MACROD2: variants seen among roughly 807,000 people sequenced by gnomAD.
MACROD2 encodes mono-ADP ribosylhydrolase 2.
MACROD2 carries 36 observed loss-of-function variants against 70.4 expected under a neutral mutation model. That is an observed-to-expected ratio of 0.51 (90% CI 0.39 to 0.68). The LOEUF (loss-of-function observed/expected upper bound fraction) is 0.68. Ranked by LOEUF, MACROD2 falls within the 30% of genes least tolerant of loss-of-function variation. The pLI, the probability that MACROD2 is intolerant of heterozygous loss-of-function variation, is 0.00. For missense variants in MACROD2, 496 were observed against 538.4 expected (o/e 0.92, Z 0.78); for synonymous variants, 172 against 178.8 (o/e 0.96, Z 0.30).
intron 6 of MACROD2, among the ~76,000 whole-genome samples, chr20:15,320,680 C>T (rs1300840254): frequency 6.6e-6 from 1 of 152,136 alleles, no homozygotes; most frequent in Admixed American, 6.5e-5. Flanking sequence ...TCTAATGCAG[C>T]AGTCCATTGT....
At chr20:14,536,841 A>G (rs928092921) in intron 4 of MACROD2, among the ~76,000 whole-genome samples, 2 of 152,250 alleles carry the variant, frequency 1.3e-5, no homozygotes, top group Non-Finnish European at 2.9e-5. Context: ...ATTAAGATGT[A>G]CATCTGACTA....
At chr20:15,159,951 T>G (rs2076336267) in intron 5 of MACROD2, among the ~76,000 whole-genome samples, 1 of 151,722 alleles carries the variant, frequency 6.6e-6, no homozygotes, top group South Asian at 2.1e-4. Context: ...TTCAGGAAAA[T>G]AAAATAAATG....
intron 6 of MACROD2, among the ~76,000 whole-genome samples, chr20:15,390,020 C>T (rs1442599698): frequency 6.6e-6 from 1 of 152,106 alleles, no homozygotes; most frequent in Admixed American, 6.5e-5. Flanking sequence ...TAATGATTCT[C>T]ATGGTAAAGG....
chr20:14,823,002 C>T (rs536124740), intron 5 of MACROD2, among the ~76,000 whole-genome samples: 1 of 152,136 alleles, frequency 6.6e-6, no homozygotes, highest in South Asian at 2.1e-4. Context: ...TCAAAGTATA[C>T]TTAAATGGCA....
intron 4 of MACROD2, among the ~76,000 whole-genome samples, chr20:14,523,118 C>T (rs746231680): frequency 7.9e-5 from 12 of 152,022 alleles, no homozygotes; most frequent in Non-Finnish European, 7.4e-5. Context: ...GATGATCTTC[C>T]ATTAAAAAAA....
intron 6 of MACROD2, among the ~76,000 whole-genome samples, chr20:15,322,805 T>A (rs2077886491): frequency 6.9e-6 from 1 of 144,288 alleles, no homozygotes; most frequent in Non-Finnish European, 1.6e-5. Context: ...ATTCTCTTTT[T>A]ATAATAGAAG....
In MACROD2 at chr20:14,456,634, T is replaced by C. The variant is rs192897014; in HGVS notation, c.272-36845T>C. Among the ~76,000 whole-genome samples, 734 of 151,412 alleles carry C rather than the reference T, an allele frequency of 4.8e-3. 6 individuals carry two copies. The highest frequency in any genetic ancestry group is 8.2e-3 in the Non-Finnish European group (558 of 67,986). ...ATTTTAAAATGTTAGCTGTTTTGAA[T>C]GGAAATCTTTCTAAAATATACTATG... On this transcript the variant is annotated intron_variant, in intron 3 of 17. Transcript: ENST00000684519.
chr20:14,556,875 A>G (rs1348822032), intron 4 of MACROD2, among the ~76,000 whole-genome samples: 1 of 152,020 alleles, frequency 6.6e-6, no homozygotes, highest in African/African-American at 2.4e-5. Flanking sequence ...TTATTACTTT[A>G]AATTTAAATG....
At chr20:14,910,751 C>A (rs1415287115) in intron 5 of MACROD2, among the ~76,000 whole-genome samples, 1 of 152,134 alleles carries the variant, frequency 6.6e-6, no homozygotes, top group Non-Finnish European at 1.5e-5. Context: ...TCCCGCTAGC[C>A]TTTCCTTTCT....
chr20:14,216,969 T>G (rs1258328100), intron 3 of MACROD2, among the ~76,000 whole-genome samples: 3 of 152,308 alleles, frequency 2.0e-5, no homozygotes, highest in African/African-American at 7.2e-5. Flanking sequence ...ACAGTTTTAT[T>G]TCCTATTTAC....
chr20:15,098,651 A>T (rs890772508), intron 5 of MACROD2, among the ~76,000 whole-genome samples: 1 of 152,206 alleles, frequency 6.6e-6, no homozygotes, highest in Non-Finnish European at 1.5e-5. Context: ...CTATCCTAAG[A>T]TTATACTTTA....
chr20:14,441,005 C>T (rs1229486053), intron 3 of MACROD2, among the ~76,000 whole-genome samples: 1 of 152,204 alleles, frequency 6.6e-6, no homozygotes, highest in Non-Finnish European at 1.5e-5. Context: ...ACCTGAGCAA[C>T]ACACTTATGT....
chr20:14,202,435 TTTAG>T (rs1298031878), intron 3 of MACROD2, among the ~76,000 whole-genome samples: 3 of 152,332 alleles, frequency 2.0e-5, no homozygotes, highest in East Asian at 3.9e-4. Context: ...TTCCTTCTAC[TTTAG>T]TTATTTTTAC....
intron 5 of MACROD2, among the ~76,000 whole-genome samples, chr20:15,209,056 A>G (rs2076736959): frequency 6.6e-6 from 1 of 151,106 alleles, no homozygotes; most frequent in African/African-American, 2.4e-5. Flanking sequence ...GATAGTTTTT[A>G]TCTTTCTGTT....
In MACROD2 at chr20:16,004,236, C is replaced by T. The variant is rs143403516; in HGVS notation, c.1153+17078C>T. 4.4e-4 allele frequency among the ~76,000 whole-genome samples: 67 copies of T among 152,214 alleles called. No individual in the cohort carries two copies. The Middle Eastern group carries it at 0.017, about 39-fold the overall frequency. ...TCAGCCACTTATAAGCCTCTCTTCC[C>T]GCATATGCCCTCTTTGTGGTCATTG... On this transcript the variant is annotated intron_variant, in intron 15 of 17. Coordinates refer to ENST00000684519, the MANE Select transcript of MACROD2 (RefSeq NM_001351661.2).
intron 5 of MACROD2, among the ~76,000 whole-genome samples, chr20:14,742,483 TGAGA>T (rs901969923): frequency 2.6e-5 from 4 of 152,094 alleles, no homozygotes; most frequent in African/African-American, 9.7e-5. Flanking sequence ...TTATTAGTTT[TGAGA>T]GAAAGACAGA....
chr20:14,306,996 C>G (rs1260969749), intron 3 of MACROD2, among the ~76,000 whole-genome samples: 1 of 140,088 alleles, frequency 7.1e-6, no homozygotes, highest in East Asian at 2.0e-4. Context: ...AAAGTGTGAA[C>G]CGTGGACTAA....
intron 5 of MACROD2, among the ~76,000 whole-genome samples, chr20:15,042,887 T>A (rs1434276090): frequency 1.3e-5 from 2 of 152,236 alleles, no homozygotes; most frequent in Non-Finnish European, 2.9e-5. Flanking sequence ...TTTATTTTTC[T>A]ACAACACTGT....
rs768048369 is a variant in MACROD2, at chr20:15,246,548, C to T, written c.540+16487C>T. On this transcript the variant is annotated intron_variant, in intron 6 of 17. Coordinates refer to ENST00000684519, the MANE Select transcript of MACROD2 (RefSeq NM_001351661.2). Reference sequence around the variant, plus strand: ...TGAAATGAGGAAAACAAGATCTTCCCTTAATCAAATCAATGGGAAATAACA... The same window carrying T: ...TGAAATGAGGAAAACAAGATCTTCCTTTAATCAAATCAATGGGAAATAACA... Among the ~76,000 whole-genome samples the T allele has an allele frequency of 2.6e-5, 4 of 152,082 alleles. No homozygotes were observed. In the East Asian group the frequency reaches 7.7e-4, roughly 29 times the overall value.
Sources: gnomAD v4.1 joint callset for allele counts (sites outside exome capture counted in the v4.1 genomes callset) on GRCh38, gnomAD v4.1.1 for gene constraint, MANE v1.5 for transcripts, NCBI Gene and HGNC (gene_info 2026-07-23, HGNC 2026-07-21) for gene names.